USPL1: variants seen among roughly 807,000 people sequenced by gnomAD.
The protein encoded by USPL1 is SUMO-specific isopeptidase USPL1.
USPL1 carries 27 observed loss-of-function variants against 51.5 expected under a neutral mutation model. The observed-to-expected ratio is 0.52, with a 90% CI of 0.39 to 0.72. USPL1 has a LOEUF of 0.72. Among genes scored for constraint, USPL1 ranks in the 30% least tolerant of loss-of-function variants. The pLI is 0.00. For missense variants in USPL1, 1,226 were observed against 1,268.0 expected, an observed-to-expected ratio of 0.97 and a Z score of 0.50; for synonymous variants, 451 against 459.6, an observed-to-expected ratio of 0.98 and a Z score of 0.24.
At chr13:30,635,107 G>C (rs1379299768) in intron 4 of USPL1, among the ~76,000 whole-genome samples, 2 of 152,182 alleles carry the variant, frequency 1.3e-5, no homozygotes, top group Admixed American at 1.3e-4. Flanking sequence ...ATGTGTTGCT[G>C]AATCTGCTCC....
chr13:30,658,060 A>G lies in USPL1; in HGVS notation c.1983A>G (p.Thr661=). Residue 661 remains threonine (T), a synonymous_variant, in exon 9 of 9, where the codon ACA becomes ACG. Coordinates refer to ENST00000255304, the MANE Select transcript of USPL1 (RefSeq NM_005800.5). The part of the protein sequence containing the change: ...DISFPSQVVN[T]NMQSVQLNTE... ...GTTTTCCATCCCAAGTTGTAAATAC[A>G]AACATGCAGTCAGTACAGCTGAATA... 1 of 1,613,098 alleles carries G rather than the reference A, an allele frequency of 6.2e-7. No homozygotes were observed. Among genetic ancestry groups the G allele is most frequent in the Middle Eastern group, 1.7e-4 (1 of 6,060 alleles).
intron 6 of USPL1, among the ~76,000 whole-genome samples, chr13:30,646,684 G>T (rs1951021663): frequency 6.6e-6 from 1 of 152,198 alleles, no homozygotes; most frequent in Non-Finnish European, 1.5e-5. Context: ...AAAATGCAGT[G>T]ATACCATTGA....
At chr13:30,619,368 G>A (rs1199804036) in intron 1 of USPL1, among the ~76,000 whole-genome samples, 4 of 152,062 alleles carry the variant, frequency 2.6e-5, no homozygotes, top group Admixed American at 6.5e-5. Flanking sequence ...GGTTTTTCCC[G>A]CTGAAATGTT....
chr13:30,652,352 T>A (rs998334873), intron 7 of USPL1, among the ~76,000 whole-genome samples: 1 of 152,228 alleles, frequency 6.6e-6, no homozygotes, highest in Non-Finnish European at 1.5e-5. Flanking sequence ...GTTTGGACAT[T>A]GATTCAAATT....
intron 3 of USPL1, among the ~76,000 whole-genome samples, chr13:30,628,101 G>T (rs1166578025): frequency 3.7e-5 from 5 of 135,226 alleles, no homozygotes; most frequent in Non-Finnish European, 6.2e-5. Flanking sequence ...TCACCATGTT[G>T]GCCAGGCTGG....
intron 3 of USPL1, among the ~76,000 whole-genome samples, chr13:30,626,925 T>A (rs937886115): frequency 1.3e-5 from 2 of 152,140 alleles, no homozygotes; most frequent in Non-Finnish European, 2.9e-5. Flanking sequence ...GAAAACTTTT[T>A]TTGTTTTCTC....
intron 3 of USPL1, among the ~76,000 whole-genome samples, chr13:30,624,083 A>T (rs1390526037): frequency 6.6e-6 from 1 of 152,148 alleles, no homozygotes; most frequent in East Asian, 1.9e-4. Flanking sequence ...TGGGATTGGC[A>T]TCTGAAGTGG....
At position 30,659,709 on chromosome 13, in the gene USPL1, G is replaced by A. The variant is rs114964784; in HGVS notation, c.*353G>A. The A allele has an allele frequency of 4.0e-3, 708 of 175,392 alleles. 5 individuals are homozygous for A. Among genetic ancestry groups the A allele is most frequent in the African/African-American group, 0.014 (604 of 42,130 alleles). 10.9% of individuals were successfully genotyped at this position (175,392 alleles called of 1,614,324 possible). A position where few individuals can be genotyped will look rare whatever the true frequency, so the allele number is the denominator to read the frequency against. ...GTTAGTGTTATGAGTGATCTTTGTG[G>A]TGGTTTTCTTCCCCTGGAAACCTGT... is the stretch of plus-strand genomic sequence containing the variant. On this transcript the variant is annotated 3_prime_UTR_variant, in exon 9 of 9. Coordinates refer to ENST00000255304, the MANE Select transcript of USPL1 (RefSeq NM_005800.5).
intron 7 of USPL1, among the ~76,000 whole-genome samples, chr13:30,647,408 A>G (rs551198252): frequency 6.6e-6 from 1 of 152,188 alleles, no homozygotes; most frequent in Non-Finnish European, 1.5e-5. Context: ...TTCAAGAACT[A>G]AGATGATTCA....
At chr13:30,618,389 G>C (rs570044438) in intron 1 of USPL1, among the ~76,000 whole-genome samples, 1 of 152,072 alleles carries the variant, frequency 6.6e-6, no homozygotes, top group Non-Finnish European at 1.5e-5. Flanking sequence ...ATTCAAGACA[G>C]TTGGGTTTGG....
intron 4 of USPL1, among the ~76,000 whole-genome samples, chr13:30,635,788 T>C (rs184202424): frequency 7.9e-5 from 12 of 152,322 alleles, no homozygotes; most frequent in African/African-American, 2.9e-4. Flanking sequence ...CTGTTACTAG[T>C]TTTTGCTGTT....
intron 3 of USPL1, among the ~76,000 whole-genome samples, chr13:30,625,573 G>A (rs1950704445): frequency 6.6e-6 from 1 of 151,072 alleles, no homozygotes; most frequent in Admixed American, 6.6e-5. Flanking sequence ...AGCCTCCTCA[G>A]TAGGTGAGAT....
chr13:30,637,701 A>C, intron 4 of USPL1, 43 bp from the exon 5 acceptor site: 1 of 1,456,420 alleles, frequency 6.9e-7, no homozygotes, highest in Non-Finnish European at 9.5e-7. Context: ...GTGGGAAGAT[A>C]TACATTGATG....
Position 30,631,342 on chromosome 13 carries a change from G to T in USPL1, c.736G>T (p.Val246Leu). 6.2e-7 allele frequency: 1 copy of T among 1,614,158 alleles called. No homozygotes were observed. The highest frequency in any genetic ancestry group is 1.3e-5 in the African/African-American group (1 of 75,022). ...GTTAGACTGTATCCTGTCAGCTTTGGTGCACTCGGAAGAGTTAAAGAACAC... is the reference window on the plus strand; with the variant it reads ...GTTAGACTGTATCCTGTCAGCTTTGTTGCACTCGGAAGAGTTAAAGAACAC... ...CWLDCILSAL[V>L]HSEELKNTVT... Residue 246 changes from valine (V) to leucine (L), a missense_variant, in exon 4 of 9, where the codon GTG becomes TTG. Transcript: ENST00000255304.
chr13:30,656,865 A>C (rs956355166), intron 8 of USPL1, among the ~76,000 whole-genome samples: 9 of 150,972 alleles, frequency 6.0e-5, no homozygotes, highest in Admixed American at 2.6e-4. Flanking sequence ...ATCCATCCTA[A>C]TGGGTGTCTT....
At chr13:30,642,307 C>A (rs939626436) in intron 5 of USPL1, among the ~76,000 whole-genome samples, 4 of 147,186 alleles carry the variant, frequency 2.7e-5, no homozygotes, top group African/African-American at 1.0e-4. Flanking sequence ...GTTCCGAGAT[C>A]TTTTTTTTTT....
chr13:30,625,689 C>T (rs1163436600), intron 3 of USPL1, among the ~76,000 whole-genome samples: 1 of 151,910 alleles, frequency 6.6e-6, no homozygotes, highest in South Asian at 2.1e-4. Flanking sequence ...GTGATCCACC[C>T]ACCTCGGCCT....
Position 30,657,872 on chromosome 13 carries a change from TCA to T in USPL1, c.1798_1799del (p.Gln600ValfsTer4). 2 of 1,614,050 alleles carry T rather than the reference TCA, an allele frequency of 1.2e-6. No individual in the cohort carries two copies. The highest frequency in any genetic ancestry group is 1.3e-5 in the African/African-American group (1 of 75,064). ...AACTATCCAGAAAACAGCCTCAGTT[TCA>T]CAGTTAAATTCTGAAGCTTTCCTGT... ...EETIQKTASVSQLNSEAFLLE... is the reference protein window; with the variant it reads ...EETIQKTASVXQLNSEAFLLE... On this transcript the variant is annotated frameshift_variant, in exon 9 of 9. Transcript: ENST00000255304. LOFTEE classifies it low-confidence loss of function (END_TRUNC).
At chr13:30,637,706 T>C in intron 4 of USPL1, 38 bp from the exon 5 acceptor site, 2 of 1,479,928 alleles carry the variant, frequency 1.4e-6, no homozygotes, top group Non-Finnish European at 1.9e-6. Flanking sequence ...AAGATATACA[T>C]TGATGAGGAA....
Sources: allele counts gnomAD v4.1 joint callset (sites outside exome capture counted in the v4.1 genomes callset), GRCh38; gene constraint gnomAD v4.1.1; transcripts MANE v1.5; gene names NCBI Gene and HGNC (gene_info 2026-07-23, HGNC 2026-07-21).